The following MTHFD1 variants were observed in gnomAD, a reference collection of about 807,000 sequenced individuals.
The protein encoded by MTHFD1 is methylenetetrahydrofolate dehydrogenase, cyclohydrolase and formyltetrahydrofolate synthetase 1.
A neutral mutation model predicts 110.3 loss-of-function variants in MTHFD1; 44 were observed. That is an observed-to-expected ratio of 0.40 (90% CI 0.31 to 0.51). The LOEUF (loss-of-function observed/expected upper bound fraction) is 0.51, where lower values mean the gene tolerates loss of function less well. MTHFD1 is among the 20% of genes least tolerant of loss of function. The pLI is 0.60. For synonymous variants in MTHFD1, 402 were observed against 428.8 expected (o/e 0.94, Z 0.77); for missense variants, 909 against 1,173.1 (o/e 0.77, Z 3.29).
In MTHFD1 at chr14:64,406,490, G is replaced by GTT. The variant is rs56712265; in HGVS notation, c.127-4581_127-4580dup. On this transcript the variant is annotated intron_variant, in intron 2 of 27. Transcript: ENST00000652337. ...GATTTTGGAGCATTTTTTATTTGTG[G>GTT]TTTTTTTTTTTTTTTTTTTTGAGAC... Among the ~76,000 whole-genome samples the GTT allele has an allele frequency of 5.7e-3, 706 of 123,104 alleles. 17 individuals are homozygous for GTT. The highest frequency in any genetic ancestry group is 0.018 in the African/African-American group (590 of 32,262). 80.8% of individuals were successfully genotyped at this position (123,104 alleles called of 152,430 possible).
chr14:64,404,547 C>T (rs889813337), intron 2 of MTHFD1, among the ~76,000 whole-genome samples: 3 of 152,214 alleles, frequency 2.0e-5, no homozygotes, highest in African/African-American at 4.8e-5. Flanking sequence ...AGGAAACTCA[C>T]GGCTTTCATT....
At chr14:64,430,290 G>A in intron 13 of MTHFD1, 60 bp downstream of exon 13, 7 of 1,441,590 alleles carry the variant, frequency 4.9e-6, no homozygotes, top group Non-Finnish European at 5.9e-6. Flanking sequence ...GGGGGAGGGT[G>A]CTGAATTAGC....
intron 8 of MTHFD1, among the ~76,000 whole-genome samples, chr14:64,421,127 G>A (rs2078066612): frequency 6.6e-6 from 1 of 152,012 alleles, no homozygotes; most frequent in Admixed American, 6.6e-5. Flanking sequence ...TCCAAACCTT[G>A]TTTGATTTCC....
intron 22 of MTHFD1, 104 bp from the exon 23 acceptor site, chr14:64,448,113 T>C (rs949709742): frequency 9.2e-5 from 74 of 804,852 alleles, no homozygotes; most frequent in African/African-American, 6.8e-4. Flanking sequence ...CTTGTCCTGA[T>C]AGTGAGTGGC....
At chr14:64,413,740 G>C (rs2078003774) in intron 4 of MTHFD1, among the ~76,000 whole-genome samples, 1 of 152,198 alleles carries the variant, frequency 6.6e-6, no homozygotes, top group South Asian at 2.1e-4. Flanking sequence ...AAGATGATTG[G>C]ACATTGCTGC....
chr14:64,412,802 T>C (rs1221915737), intron 4 of MTHFD1, among the ~76,000 whole-genome samples: 1 of 151,864 alleles, frequency 6.6e-6, no homozygotes, highest in Non-Finnish European at 1.5e-5. Context: ...CTCACCTGGC[T>C]AATTTTTATA....
At chr14:64,410,721 C>T (rs1411279380) in intron 2 of MTHFD1, among the ~76,000 whole-genome samples, 4 of 152,182 alleles carry the variant, frequency 2.6e-5, no homozygotes, top group Non-Finnish European at 5.9e-5. Context: ...AGGCATTTTT[C>T]TTGCCTGATG....
intron 1 of MTHFD1, 66 bp downstream of exon 1, chr14:64,388,534 C>A: frequency 6.7e-7 from 1 of 1,487,556 alleles, no homozygotes; most frequent in Non-Finnish European, 9.4e-7. Flanking sequence ...GTGCAGGTCC[C>A]CCGGACCCAT....
In MTHFD1 at chr14:64,451,738, CCA is replaced by C. The variant is rs1298975568; in HGVS notation, c.2458-2014_2458-2013del. 5.3e-5 allele frequency among the ~76,000 whole-genome samples: 8 copies of C among 152,320 alleles called. No homozygotes were observed. In the Middle Eastern group the frequency reaches 0.01, roughly 194 times the overall value. Reference sequence around the variant, plus strand: ...ATCCATTCTGGCAAACAGGAGGCTGCCACTTTTTGTCTTACTCAGCGTCTGCT... The same window carrying C: ...ATCCATTCTGGCAAACAGGAGGCTGCCTTTTTGTCTTACTCAGCGTCTGCT... On this transcript the variant is annotated intron_variant, in intron 24 of 27. Transcript: ENST00000652337.
At chr14:64,411,666 G>A (rs1455914598) in intron 3 of MTHFD1, among the ~76,000 whole-genome samples, 4 of 152,158 alleles carry the variant, frequency 2.6e-5, no homozygotes, top group African/African-American at 2.4e-5. Context: ...TTGGGAGGCC[G>A]AGGCGGGCGG....
chr14:64,389,051 G>C (rs1020036144), intron 1 of MTHFD1: 1 of 154,672 alleles, frequency 6.5e-6, no homozygotes, highest in Non-Finnish European at 1.4e-5. Context: ...TTTGGCTCCT[G>C]AGTCCTGAGA....
In MTHFD1 at chr14:64,439,130, C is replaced by T; in HGVS notation, c.1632C>T (p.Ile544=). The T allele has an allele frequency of 6.2e-7, 1 of 1,614,054 alleles. No individual in the cohort carries two copies. The highest frequency in any genetic ancestry group is 8.5e-7 in the Non-Finnish European group (1 of 1,179,918). Residue 544 remains isoleucine, a synonymous_variant, in exon 17 of 28, where the codon ATC becomes ATT. Coordinates refer to ENST00000652337, the MANE Select transcript of MTHFD1 (RefSeq NM_005956.4). ...CCAATGATAGATTCCTGAGGAAGAT[C>T]ACGATTGGACAGGCTCCAACGGAGA... is the stretch of plus-strand genomic sequence containing the variant. ...LDTNDRFLRK[I]TIGQAPTEKG...
At chr14:64,394,719 G>A (rs2077833678) in intron 1 of MTHFD1, among the ~76,000 whole-genome samples, 1 of 152,074 alleles carries the variant, frequency 6.6e-6, no homozygotes, top group Admixed American at 6.6e-5. Flanking sequence ...AGTGATCTTT[G>A]GGTTTAGGTG....
At chr14:64,458,603 ACTCC>A in intron 27 of MTHFD1, 2 of 434,478 alleles carry the variant, frequency 4.6e-6, no homozygotes, top group South Asian at 4.3e-5. Flanking sequence ...GAGAGGTTAG[ACTCC>A]CTCTGCTGAA....
chr14:64,408,899 T>C (rs1467251660), intron 2 of MTHFD1, among the ~76,000 whole-genome samples: 1 of 152,108 alleles, frequency 6.6e-6, no homozygotes, highest in Non-Finnish European at 1.5e-5. Context: ...CAGTGAGCCA[T>C]GATCATGCTA....
Position 64,411,159 on chromosome 14 carries a change from G to T in MTHFD1, c.186+10G>T. 2 of 1,609,774 alleles carry T rather than the reference G, an allele frequency of 1.2e-6. No homozygotes were observed. On this transcript the variant is annotated intron_variant, in intron 3 of 27. Coordinates refer to ENST00000652337, the MANE Select transcript of MTHFD1 (RefSeq NM_005956.4). ...GAAGGCTGCTGAAGAGGTAACGCCA[G>T]AAGAGCTGTGCCATCACCCTCCCCA...
intron 16 of MTHFD1, among the ~76,000 whole-genome samples, chr14:64,435,990 TAGAGA>T (rs1425580032): frequency 2.6e-5 from 4 of 152,240 alleles, no homozygotes; most frequent in Admixed American, 2.6e-4. Flanking sequence ...TGTCATGAAG[TAGAGA>T]AATTATGTTT....
intron 7 of MTHFD1, among the ~76,000 whole-genome samples, chr14:64,418,423 C>A (rs2078042247): frequency 7.2e-6 from 1 of 138,542 alleles, no homozygotes; most frequent in Non-Finnish European, 1.5e-5. Context: ...TGCACTCCAG[C>A]CTGGGCTACA....
chr14:64,404,115 A>T lies in MTHFD1; in HGVS notation c.126+3238A>T, dbSNP rs1305313251. On this transcript the variant is annotated intron_variant, in intron 2 of 27. Transcript: ENST00000652337. The stretch of plus-strand genomic sequence containing the variant: ...CTAGTCTGGCCCTCATAAATCTTTG[A>T]AAAGGTCTTGGGGTCCCTCAAGAGT... Among the ~76,000 whole-genome samples the T allele has an allele frequency of 2.0e-5, 3 of 152,232 alleles. No homozygotes were observed. In the East Asian group the frequency reaches 5.8e-4, roughly 29 times the overall value.
Sources: allele counts gnomAD v4.1 joint callset (sites outside exome capture counted in the v4.1 genomes callset), GRCh38; gene constraint gnomAD v4.1.1; transcripts MANE v1.5; gene names NCBI Gene and HGNC (gene_info 2026-07-23, HGNC 2026-07-21).